The following PCDHGB3 variants were observed in gnomAD, a reference collection of about 807,000 sequenced individuals.
The protein encoded by PCDHGB3 is protocadherin gamma-B3.
Under a neutral mutation model 59.2 loss-of-function variants are expected in PCDHGB3, and 40 were observed. The ratio of observed to expected loss-of-function variants is 0.68; its 90% CI spans 0.52 to 0.88. The LOEUF (loss-of-function observed/expected upper bound fraction) is 0.88, where lower values mean the gene tolerates loss of function less well. Ranked by LOEUF, PCDHGB3 falls within the 40% of genes least tolerant of loss-of-function variation. PCDHGB3 has a pLI of 0.00. For synonymous variants in PCDHGB3, 581 were observed against 503.6 expected, an observed-to-expected ratio of 1.15 and a Z score of -2.06; for missense variants, 1,309 against 1,187.9, an observed-to-expected ratio of 1.10 and a Z score of -1.50.
chr5:141,401,446 A>G (rs1200787289), intron 1 of PCDHGB3, among the ~76,000 whole-genome samples: 1 of 152,244 alleles, frequency 6.6e-6, no homozygotes, highest in Non-Finnish European at 1.5e-5. Context: ...GAAGGTCCAA[A>G]TCATCCAAAT....
intron 1 of PCDHGB3, among the ~76,000 whole-genome samples, chr5:141,470,997 A>G (rs905897657): frequency 3.8e-4 from 57 of 150,462 alleles, no homozygotes; most frequent in African/African-American, 1.3e-3. Flanking sequence ...GACTACAGGC[A>G]TGAGCCACTG....
chr5:141,452,587 A>G (rs1171400700), intron 1 of PCDHGB3, among the ~76,000 whole-genome samples: 1 of 151,948 alleles, frequency 6.6e-6, no homozygotes, highest in Non-Finnish European at 1.5e-5. Context: ...CCATCTTTGT[A>G]TTTTTATTTT....
At chr5:141,383,417 G>A in intron 1 of PCDHGB3, 1 of 1,614,014 alleles carries the variant, frequency 6.2e-7, no homozygotes, top group African/African-American at 1.3e-5. Flanking sequence ...TACCAGCTCA[G>A]CCCCAATCGC....
intron 1 of PCDHGB3, 146 bp from the exon 2 acceptor site, chr5:141,494,661 G>C (rs2099755951): frequency 6.7e-7 from 1 of 1,492,856 alleles, no homozygotes; most frequent in African/African-American, 1.4e-5. Context: ...TTTGTCTTTG[G>C]AGATGAGTCC....
At position 141,476,994 on chromosome 5, in the gene PCDHGB3, A is replaced by T; in HGVS notation, c.2416-17813A>T. 6.2e-7 allele frequency: 1 copy of T among 1,614,260 alleles called. No individual in the cohort carries two copies. The highest frequency in any genetic ancestry group is 2.2e-5 in the East Asian group (1 of 44,884). On this transcript the variant is annotated intron_variant, in intron 1 of 3. Transcript: ENST00000576222. This position sits in a 1 kb window ranked among gnomAD's most constrained non-coding sequence, Gnocchi z 7.6. ...AGCCACAACCGCGCCGGCGTGCGGC[A>T]ACTATTCGCCTTAGACCTTGTAACC...
intron 2 of PCDHGB3, among the ~76,000 whole-genome samples, chr5:141,501,847 C>T (rs976699397): frequency 1.3e-5 from 2 of 152,140 alleles, no homozygotes; most frequent in Admixed American, 6.5e-5. Context: ...GGCCCTCAAC[C>T]TTCAACCATT....
At chr5:141,439,524 A>T (rs774174912) in intron 1 of PCDHGB3, among the ~76,000 whole-genome samples, 2 of 152,114 alleles carry the variant, frequency 1.3e-5, no homozygotes, top group Admixed American at 6.5e-5. Flanking sequence ...AACTAACTCT[A>T]CAGAACGCTG....
At chr5:141,375,540 A>C in intron 1 of PCDHGB3, 1 of 1,613,910 alleles carries the variant, frequency 6.2e-7, no homozygotes, top group Non-Finnish European at 8.5e-7. Flanking sequence ...CAGAACGCCC[A>C]AGTCTCCTAC....
At chr5:141,393,592 G>A (rs200863279) in intron 1 of PCDHGB3, 127 of 1,613,790 alleles carry the variant, frequency 7.9e-5, no homozygotes, top group Non-Finnish European at 1.0e-4. Context: ...CCAGGCACGC[G>A]GCTGCTTACT....
intron 1 of PCDHGB3, among the ~76,000 whole-genome samples, chr5:141,488,398 A>T (rs2099675065): frequency 6.6e-6 from 1 of 152,192 alleles, no homozygotes; most frequent in African/African-American, 2.4e-5. Flanking sequence ...GAAACCATGA[A>T]ACCTAGAAGC....
At chr5:141,375,842 C>G (rs547807235) in intron 1 of PCDHGB3, 4 of 1,614,122 alleles carry the variant, frequency 2.5e-6, no homozygotes, top group Non-Finnish European at 3.4e-6. Context: ...GCCCGGCTAC[C>G]TGGTGACCAA....
chr5:141,394,941 G>C lies in PCDHGB3; in HGVS notation c.2415+22132G>C, dbSNP rs1238884149. The C allele has an allele frequency of 3.1e-6, 5 of 1,613,748 alleles. No individual in the cohort carries two copies. The East Asian group carries it at 1.1e-4, about 36-fold the overall frequency. On this transcript the variant is annotated intron_variant, in intron 1 of 3. Coordinates refer to ENST00000576222, the MANE Select transcript of PCDHGB3 (RefSeq NM_018924.5). Reference sequence around the variant, plus strand: ...CTGTGTCTTCCTCGCCTTTGTCGCTGTGCTTCTGGGGCTCAGGCTGAGGCG... The same window carrying C: ...CTGTGTCTTCCTCGCCTTTGTCGCTCTGCTTCTGGGGCTCAGGCTGAGGCG...
chr5:141,436,063 A>G (rs1406994228), intron 1 of PCDHGB3, among the ~76,000 whole-genome samples: 1 of 152,230 alleles, frequency 6.6e-6, no homozygotes, highest in Non-Finnish European at 1.5e-5. Flanking sequence ...ATAGAATTTA[A>G]TAAGTACAGT....
At chr5:141,498,457 G>A (rs1028236637) in intron 2 of PCDHGB3, among the ~76,000 whole-genome samples, 8 of 152,126 alleles carry the variant, frequency 5.3e-5, no homozygotes, top group African/African-American at 1.9e-4. Flanking sequence ...CTTTTATCCA[G>A]TCTAACCCTG....
chr5:141,375,403 A>G, intron 1 of PCDHGB3: 2 of 1,613,908 alleles, frequency 1.2e-6, no homozygotes, highest in Non-Finnish European at 1.7e-6. Flanking sequence ...TCATCTCTCT[A>G]AATGTGGCAG....
rs376395066 is a variant in PCDHGB3 at position 141,490,681 on chromosome 5, C to G, written c.2416-4126C>G. On this transcript the variant is annotated intron_variant, in intron 1 of 3. Transcript: ENST00000576222. The surrounding 1 kb of genome is among the most constrained non-coding windows in gnomAD (Gnocchi z 5.4). ...TCTTTGCACTGTGGCTGCCTCAGATCCAGACACTGGGGATAATGCCCGCCT... is the reference window on the plus strand; with the variant it reads ...TCTTTGCACTGTGGCTGCCTCAGATGCAGACACTGGGGATAATGCCCGCCT... 2.5e-6 allele frequency: 4 copies of G among 1,613,998 alleles called. No homozygotes were observed. In the African/African-American group the frequency reaches 4.0e-5, roughly 16 times the overall value.
Position 141,371,827 on chromosome 5 carries a change from A to T in PCDHGB3, c.1433A>T (p.Asp478Val). 6.2e-7 allele frequency: 1 copy of T among 1,613,784 alleles called. No individual in the cohort carries two copies. Among genetic ancestry groups the T allele is most frequent in the Non-Finnish European group, 8.5e-7 (1 of 1,179,890 alleles). The change falls in exon 1 of 4, where the codon GAT becomes GTT. Residue 478 changes from aspartate (D) to valine (V), a missense_variant. Coordinates refer to ENST00000576222, the MANE Select transcript of PCDHGB3 (RefSeq NM_018924.5). ...GASIAHVRAS[D>V]PDLGPNGLVS... ...TCCATTGCGCATGTCAGAGCCTCGGATCCCGACTTGGGACCTAATGGCCTT... is the reference window on the plus strand; with the variant it reads ...TCCATTGCGCATGTCAGAGCCTCGGTTCCCGACTTGGGACCTAATGGCCTT...
At chr5:141,379,433 T>G (rs1775597873) in intron 1 of PCDHGB3, 1 of 152,256 alleles carries the variant, frequency 6.6e-6, no homozygotes. Flanking sequence ...AGATGGGCTG[T>G]TATACATATG....
chr5:141,393,071 C>G (rs927273885), intron 1 of PCDHGB3: 1 of 1,613,680 alleles, frequency 6.2e-7, no homozygotes, highest in Non-Finnish European at 8.5e-7. Context: ...GCTTGATCAC[C>G]GCGGGCAGGA....
Sources: gnomAD v4.1 joint callset for allele counts (sites outside exome capture counted in the v4.1 genomes callset) on GRCh38, gnomAD v4.1.1 for gene constraint, Gnocchi (gnomAD v3.1) non-coding constraint, MANE v1.5 for transcripts, NCBI Gene and HGNC (gene_info 2026-07-23, HGNC 2026-07-21) for gene names.